CMTM1: variants seen among roughly 807,000 people sequenced by gnomAD.
The protein encoded by CMTM1 is CKLF-like MARVEL transmembrane domain-containing protein 1.
A neutral mutation model predicts 17.8 loss-of-function variants in CMTM1; 16 were observed. The ratio of observed to expected loss-of-function variants is 0.90; its 90% CI spans 0.61 to 1.37. The LOEUF (loss-of-function observed/expected upper bound fraction) is 1.37. Ranked by LOEUF, CMTM1 falls within the 40% of genes most tolerant of loss-of-function variation. The pLI is 0.00. For synonymous variants in CMTM1, 169 were observed against 154.6 expected, an observed-to-expected ratio of 1.09 and a Z score of -0.69; for missense variants, 354 against 375.6, an observed-to-expected ratio of 0.94 and a Z score of 0.47.
intron 2 of CMTM1, among the ~76,000 whole-genome samples, chr16:66,573,162 A>G (rs1299816694): frequency 6.6e-6 from 1 of 152,212 alleles, no homozygotes; most frequent in East Asian, 1.9e-4. Context: ...GGCGTTCTTG[A>G]TTCATGTGAA....
Position 66,566,619 on chromosome 16 carries a change from T to C in CMTM1, c.106T>C (p.Ser36Pro), listed in dbSNP as rs1284354015. ...ALASSGSVVSSVPKAQRNISA... is the reference protein window; with the variant it reads ...ALASSGSVVSPVPKAQRNISA... ...GGCAAGTAGCGGCAGCGTAGTGAGT[T>C]CTGTACCCAAGGCACAGCGCAACAT... The change falls in exon 1 of 4, where the codon TCT becomes CCT. Residue 36 changes from serine to proline, a missense_variant. Coordinates refer to ENST00000379500, the MANE Select transcript of CMTM1 (RefSeq NM_052999.4). This position sits in a 1 kb window ranked among gnomAD's most constrained non-coding sequence, Gnocchi z 4.9. 2.3e-5 allele frequency: 37 copies of C among 1,613,834 alleles called. No individual in the cohort carries two copies. The highest frequency in any genetic ancestry group is 3.1e-5 in the Non-Finnish European group (37 of 1,179,982).
intron 2 of CMTM1, among the ~76,000 whole-genome samples, chr16:66,570,966 C>A (rs369686293): frequency 2.0e-5 from 3 of 152,202 alleles, no homozygotes; most frequent in East Asian, 3.8e-4. Flanking sequence ...TTCTGTCTTG[C>A]GCTGTGAACA....
In CMTM1 at chr16:66,566,621, T is replaced by C. The variant is rs1459278524; in HGVS notation, c.108T>C (p.Ser36=). Residue 36 remains serine (S), a synonymous_variant, in exon 1 of 4, where the codon TCT becomes TCC. Transcript: ENST00000379500. The surrounding 1 kb of genome is among the most constrained non-coding windows in gnomAD (Gnocchi z 4.9). The stretch of plus-strand genomic sequence containing the variant: ...CAAGTAGCGGCAGCGTAGTGAGTTC[T>C]GTACCCAAGGCACAGCGCAACATCT... ...ALASSGSVVS[S]VPKAQRNISA... 18 of 1,614,076 alleles carry C rather than the reference T, an allele frequency of 1.1e-5. No individual in the cohort carries two copies. Among genetic ancestry groups the C allele is most frequent in the Non-Finnish European group, 1.4e-5 (16 of 1,179,996 alleles).
Position 66,566,540 on chromosome 16 carries a change from G to A in CMTM1, c.27G>A (p.Glu9=), listed in dbSNP as rs780103056. ...TGGATCCTGAACACGCCAAACCTGA[G>A]TCATCCGAGGCACCTTCAGGGAACT... MDPEHAKP[E]SSEAPSGNLK... is the part of the protein sequence containing the mutation. The change falls in exon 1 of 4, where the codon GAG becomes GAA. Residue 9 remains glutamate, a synonymous_variant. Transcript: ENST00000379500. This position sits in a 1 kb window ranked among gnomAD's most constrained non-coding sequence, Gnocchi z 4.9. The A allele has an allele frequency of 5.6e-6, 9 of 1,612,500 alleles. No homozygotes were observed. In the South Asian group the frequency reaches 7.7e-5, roughly 14 times the overall value.
chr16:66,566,463 C>G lies in CMTM1; in HGVS notation c.-51C>G, dbSNP rs376626299. 3.0e-4 allele frequency: 461 copies of G among 1,512,542 alleles called. 4 individuals carry two copies. The African/African-American group carries it at 5.3e-3, about 18-fold the overall frequency. 93.7% of individuals were successfully genotyped at this position (1,512,542 alleles called of 1,614,324 possible). A position where few individuals can be genotyped will look rare whatever the true frequency, so the allele number is the denominator to read the frequency against. On this transcript the variant is annotated 5_prime_UTR_variant, in exon 1 of 4. Coordinates refer to ENST00000379500, the MANE Select transcript of CMTM1 (RefSeq NM_052999.4). This position sits in a 1 kb window ranked among gnomAD's most constrained non-coding sequence, Gnocchi z 4.9. ...CGCGACGCTGGTTCCCAGGGGAGAG[C>G]CAGCCGCTGCCGCGGCACTGGTTCA...
At chr16:66,576,613 G>A (rs774563067) in intron 2 of CMTM1, among the ~76,000 whole-genome samples, 91 of 152,306 alleles carry the variant, frequency 6.0e-4, no homozygotes, top group Non-Finnish European at 7.9e-4. Flanking sequence ...TTTCCAGAGC[G>A]TTGGCTTTAC....
intron 2 of CMTM1, 92 bp from the exon 3 acceptor site, chr16:66,577,012 G>T: frequency 1.8e-6 from 2 of 1,086,130 alleles, no homozygotes; most frequent in Non-Finnish European, 2.6e-6. Flanking sequence ...TTTTTTAAAG[G>T]CATCTATTCT....
chr16:66,577,037 A>C, intron 2 of CMTM1, 67 bp from the exon 3 acceptor site: 1 of 1,428,302 alleles, frequency 7.0e-7, no homozygotes, highest in Non-Finnish European at 9.7e-7. Flanking sequence ...TGTGTAATTG[A>C]CCAGTTTAAA....
intron 2 of CMTM1, among the ~76,000 whole-genome samples, chr16:66,576,706 G>C (rs992125251): frequency 3.3e-5 from 5 of 152,078 alleles, no homozygotes; most frequent in African/African-American, 1.2e-4. Context: ...AATGAGTTAT[G>C]GAATAGAATG....
chr16:66,567,388 T>C (rs2012714350), intron 1 of CMTM1: 2 of 289,904 alleles, frequency 6.9e-6, no homozygotes, highest in Admixed American at 5.1e-5. Context: ...CTCTCACTTA[T>C]GAGTGAGAAC....
Position 66,579,029 on chromosome 16 carries a change from C to T in CMTM1, c.*28C>T, listed in dbSNP as rs771542475. On this transcript the variant is annotated 3_prime_UTR_variant, in exon 4 of 4. Coordinates refer to ENST00000379500, the MANE Select transcript of CMTM1 (RefSeq NM_052999.4). This position sits in a 1 kb window ranked among gnomAD's most constrained non-coding sequence, Gnocchi z 6.5. ...CCAGCCCGGCGCCCTAGCAGATGCA[C>T]GTGTCTGTCGAATCGCTGCCTCCGA... is the stretch of plus-strand genomic sequence containing the variant. The T allele has an allele frequency of 1.2e-6, 2 of 1,606,780 alleles. No individual in the cohort carries two copies. The highest frequency in any genetic ancestry group is 1.7e-6 in the Non-Finnish European group (2 of 1,177,328).
rs1490977664 is a variant in CMTM1, at chr16:66,566,942, A to ACTGGTGAGCGGAGAG, written c.432+6_432+20dup. 3.1e-6 allele frequency: 5 copies of ACTGGTGAGCGGAGAG among 1,614,104 alleles called. No homozygotes were observed. The South Asian group carries it at 5.5e-5, about 18-fold the overall frequency. On this transcript the variant is annotated inframe_insertion, in exon 1 of 4. Coordinates refer to ENST00000379500, the MANE Select transcript of CMTM1 (RefSeq NM_052999.4). This position sits in a 1 kb window ranked among gnomAD's most constrained non-coding sequence, Gnocchi z 4.9. The stretch of plus-strand genomic sequence containing the variant: ...CCACTGGAATGTTGAAGATCCTGAG[A>ACTGGTGAGCGGAGAG]CTGGTGAGCGGAGAGCTGGTGAGAC...
intron 2 of CMTM1, among the ~76,000 whole-genome samples, chr16:66,575,564 G>A (rs549571882): frequency 6.6e-6 from 1 of 152,252 alleles, no homozygotes; most frequent in Admixed American, 6.5e-5. Context: ...CCTTATTTGG[G>A]TGTCCCTCAT....
chr16:66,566,647 C>T lies in CMTM1; in HGVS notation c.134C>T (p.Ser45Leu). ...GTACCCAAGGCACAGCGCAACATCT[C>T]AGCGAAGACCGCACCCCGGAAGCAC... is the stretch of plus-strand genomic sequence containing the variant. ...SSVPKAQRNI[S>L]AKTAPRKHPA... Residue 45 changes from serine (S) to leucine (L), a missense_variant, in exon 1 of 4, where the codon TCA (serine) becomes TTA (leucine). Coordinates refer to ENST00000379500, the MANE Select transcript of CMTM1 (RefSeq NM_052999.4). This position sits in a 1 kb window ranked among gnomAD's most constrained non-coding sequence, Gnocchi z 4.9. 1 of 1,614,026 alleles carries T rather than the reference C, an allele frequency of 6.2e-7. No individual in the cohort carries two copies. The highest frequency in any genetic ancestry group is 1.1e-5 in the South Asian group (1 of 91,078).
chr16:66,576,086 T>C (rs757798335), intron 2 of CMTM1, among the ~76,000 whole-genome samples: 14 of 152,172 alleles, frequency 9.2e-5, no homozygotes, highest in Non-Finnish European at 1.9e-4. Context: ...AAGAAGCAGG[T>C]TGGGCTAGCA....
chr16:66,575,331 G>A, intron 2 of CMTM1: 1 of 540,496 alleles, frequency 1.9e-6, no homozygotes, highest in Non-Finnish European at 2.4e-6. Context: ...AATCCTCAGA[G>A]CCAATGAACC....
At chr16:66,577,284 A>G in intron 3 of CMTM1, 82 bp downstream of exon 3, 1 of 1,144,780 alleles carries the variant, frequency 8.7e-7, no homozygotes, top group South Asian at 1.4e-5. Context: ...CCATTATATC[A>G]TTAACCAAGC....
chr16:66,575,147 C>T, intron 2 of CMTM1: 1 of 985,408 alleles, frequency 1.0e-6, no homozygotes, highest in Non-Finnish European at 1.2e-6. Flanking sequence ...AGTCACATTC[C>T]ACAAGAGGGC....
rs367806211 is a variant in CMTM1, at chr16:66,569,978, G to A, written c.475G>A (p.Ala159Thr). ...GALACFIITQ[A>T]NESFITITSL... ...ATTAGCTTGTTTCATCATCACCCAA[G>A]CCAATGAGTCATTTATAACAATCAC... The change falls in exon 2 of 4, where the codon GCC becomes ACC. Residue 159 changes from alanine to threonine, a missense_variant. Ala to Thr is a moderately conservative substitution (Grantham distance 58). Transcript: ENST00000379500. 1.9e-6 allele frequency: 3 copies of A among 1,612,452 alleles called. No individual in the cohort carries two copies. Among genetic ancestry groups the A allele is most frequent in the African/African-American group, 2.7e-5 (2 of 74,816 alleles).
Sources: allele counts gnomAD v4.1 joint callset (sites outside exome capture counted in the v4.1 genomes callset), GRCh38; gene constraint gnomAD v4.1.1; non-coding constraint Gnocchi (gnomAD v3.1); transcripts MANE v1.5; gene names NCBI Gene and HGNC (gene_info 2026-07-23, HGNC 2026-07-21).